AGBL1: variants seen among roughly 807,000 people sequenced by gnomAD.
AGBL1 encodes the protein cytosolic carboxypeptidase 4.
A neutral mutation model predicts 118.9 loss-of-function variants in AGBL1; 130 were observed. The observed-to-expected ratio is 1.09, with a 90% CI of 0.95 to 1.26. AGBL1 has a LOEUF of 1.26. AGBL1 is among the 50% of genes most tolerant of loss of function. AGBL1 has a pLI of 0.00. For synonymous variants in AGBL1, 555 were observed against 478.9 expected (o/e 1.16, Z -2.08); for missense variants, 1,584 against 1,298.1 (o/e 1.22, Z -3.38).
At chr15:86,953,772 G>C (rs2080903191) in intron 23 of AGBL1, among the ~76,000 whole-genome samples, 1 of 152,154 alleles carries the variant, frequency 6.6e-6, no homozygotes, top group African/African-American at 2.4e-5. Context: ...CACTGATTTT[G>C]TATCTGGAAA....
chr15:86,572,549 C>T (rs1171759708), intron 21 of AGBL1, among the ~76,000 whole-genome samples: 1 of 152,200 alleles, frequency 6.6e-6, no homozygotes, highest in African/African-American at 2.4e-5. Context: ...CTCCTGCCTG[C>T]ACCGTTCCCG....
intron 18 of AGBL1, among the ~76,000 whole-genome samples, chr15:86,411,021 T>C (rs534330300): frequency 6.8e-6 from 1 of 146,604 alleles, no homozygotes; most frequent in Non-Finnish European, 1.5e-5. Flanking sequence ...TAGAACTGAA[T>C]AGGTTGTACA....
At position 86,264,350 on chromosome 15, in the gene AGBL1, G is replaced by A. The variant is rs1393365863; in HGVS notation, c.1179G>A (p.Gln393=). 1 of 1,613,224 alleles carries A rather than the reference G, an allele frequency of 6.2e-7. No individual in the cohort carries two copies. Among genetic ancestry groups the A allele is most frequent in the Admixed American group, 1.7e-5 (1 of 59,908 alleles). ...TTCCAGCCGCTGCCTCCTCAAAACA[G>A]CATTGCTACAGCAAGGACCAAAGCT... ...HHIPAAASSK[Q]HCYSKDQSSC... Residue 393 remains glutamine (Q), a synonymous_variant, in exon 11 of 23, where the codon CAG becomes CAA. Transcript: ENST00000614907.
At chr15:86,642,504 T>TA (rs954113561) in intron 21 of AGBL1, among the ~76,000 whole-genome samples, 10 of 151,964 alleles carry the variant, frequency 6.6e-5, no homozygotes, top group African/African-American at 1.4e-4. Flanking sequence ...TGAATTCTTT[T>TA]AAAAAAAATT....
intron 22 of AGBL1, among the ~76,000 whole-genome samples, chr15:86,820,275 A>C (rs2141386308): frequency 6.6e-6 from 1 of 152,360 alleles, no homozygotes; most frequent in South Asian, 2.1e-4. Context: ...TGGCAACAAA[A>C]GCCAAAATTG....
chr15:86,338,429 A>T (rs1209350283), intron 17 of AGBL1, among the ~76,000 whole-genome samples: 3 of 152,118 alleles, frequency 2.0e-5, no homozygotes, highest in East Asian at 3.9e-4. Context: ...TCTTTGAGTG[A>T]TTTGGCACCA....
At chr15:86,153,475 C>G (rs921733967) in intron 3 of AGBL1, among the ~76,000 whole-genome samples, 6 of 149,980 alleles carry the variant, frequency 4.0e-5, no homozygotes, top group Non-Finnish European at 7.4e-5. Flanking sequence ...CAGTTGGATA[C>G]AGGGCAGTGA....
chr15:86,806,663 G>A (rs1316606209), intron 22 of AGBL1, among the ~76,000 whole-genome samples: 2 of 151,794 alleles, frequency 1.3e-5, no homozygotes, highest in Non-Finnish European at 2.9e-5. Flanking sequence ...TATCTCAGAG[G>A]GTTGTTATGA....
chr15:86,634,865 A>C (rs1329117248), intron 21 of AGBL1, among the ~76,000 whole-genome samples: 2 of 152,072 alleles, frequency 1.3e-5, no homozygotes, highest in Non-Finnish European at 2.9e-5. Flanking sequence ...CATTTGTTTT[A>C]TCTCTCTTTA....
chr15:86,406,334 T>A (rs1447936346), intron 18 of AGBL1, among the ~76,000 whole-genome samples: 7 of 152,206 alleles, frequency 4.6e-5, no homozygotes, highest in African/African-American at 1.4e-4. Context: ...GTGCAAAGTA[T>A]CTATTTACCG....
chr15:86,476,081 T>C (rs569864119), intron 18 of AGBL1, among the ~76,000 whole-genome samples: 24 of 152,110 alleles, frequency 1.6e-4, no homozygotes, highest in South Asian at 1.5e-3. Flanking sequence ...CTGAAGGAAG[T>C]ACTAAATATG....
chr15:86,176,533 T>C (rs993102060), intron 5 of AGBL1, among the ~76,000 whole-genome samples: 2 of 152,094 alleles, frequency 1.3e-5, no homozygotes, highest in Non-Finnish European at 2.9e-5. Context: ...TTCACTAGGG[T>C]GTAGAACACC....
intron 17 of AGBL1, among the ~76,000 whole-genome samples, chr15:86,389,707 T>G (rs1168815191): frequency 1.3e-5 from 2 of 152,128 alleles, no homozygotes; most frequent in East Asian, 1.9e-4. Flanking sequence ...GTAGATTATA[T>G]TATACTATAA....
chr15:86,851,881 T>C (rs1439225506), intron 22 of AGBL1, among the ~76,000 whole-genome samples: 1 of 152,158 alleles, frequency 6.6e-6, no homozygotes, highest in Admixed American at 6.5e-5. Context: ...AGTGGGAAGT[T>C]CAGACTCATT....
At chr15:86,666,609 G>A (rs947107184) in intron 21 of AGBL1, among the ~76,000 whole-genome samples, 2 of 152,054 alleles carry the variant, frequency 1.3e-5, no homozygotes, top group Admixed American at 6.6e-5. Context: ...GTTTTAACAA[G>A]GACTGTGTTA....
intron 20 of AGBL1, among the ~76,000 whole-genome samples, chr15:86,549,564 G>A (rs186011910): frequency 3.9e-4 from 59 of 151,806 alleles, no homozygotes; most frequent in African/African-American, 1.4e-3. Flanking sequence ...TAAAAAAAAA[G>A]TATAATCTAT....
intron 22 of AGBL1, among the ~76,000 whole-genome samples, chr15:86,749,324 C>T (rs936740606): frequency 2.2e-4 from 34 of 151,988 alleles, no homozygotes; most frequent in East Asian, 1.4e-3. Context: ...CTATTATTGG[C>T]GTATAAGAAT....
At chr15:86,844,841 T>C (rs2079296776) in intron 22 of AGBL1, among the ~76,000 whole-genome samples, 1 of 152,172 alleles carries the variant, frequency 6.6e-6, no homozygotes, top group Admixed American at 6.5e-5. Context: ...GTTTTTGCTC[T>C]TATGTTCTAT....
chr15:86,826,386 C>T (rs1021095550), intron 22 of AGBL1, among the ~76,000 whole-genome samples: 5 of 151,948 alleles, frequency 3.3e-5, no homozygotes, highest in African/African-American at 9.7e-5. Context: ...TCAGAAGAGT[C>T]GGGGCAATGG....
Sources: allele counts gnomAD v4.1 joint callset (sites outside exome capture counted in the v4.1 genomes callset), GRCh38; gene constraint gnomAD v4.1.1; transcripts MANE v1.5; gene names NCBI Gene and HGNC (gene_info 2026-07-23, HGNC 2026-07-21).